Variants in C11orf65 observed in about 807,000 individuals in gnomAD.
The protein encoded by C11orf65 is protein MFI.
A neutral mutation model predicts 35.3 loss-of-function variants in C11orf65; 38 were observed. The ratio of observed to expected loss-of-function variants is 1.08; its 90% CI spans 0.83 to 1.41. The LOEUF is 1.41. Among genes scored for constraint, C11orf65 ranks in the 40% most tolerant of loss-of-function variants. The pLI, the probability that C11orf65 is intolerant of heterozygous loss-of-function variation, is 0.00. For missense variants in C11orf65, 370 were observed against 367.1 expected, an observed-to-expected ratio of 1.01 and a Z score of -0.06; for synonymous variants, 105 against 114.4, an observed-to-expected ratio of 0.92 and a Z score of 0.53.
intron 3 of C11orf65, among the ~76,000 whole-genome samples, chr11:108,429,028 C>T (rs2092948686): frequency 6.6e-6 from 1 of 151,914 alleles, no homozygotes. Context: ...GTGCCTGTTG[C>T]TCCAGCTACT....
intron 3 of C11orf65, among the ~76,000 whole-genome samples, chr11:108,410,636 CGA>C (rs2092636933): frequency 6.6e-6 from 1 of 151,698 alleles, no homozygotes. Flanking sequence ...ATTACAGATG[CGA>C]ACCACCCTGC....
chr11:108,467,752 A>T (rs568378185), upstream of C11orf65, among the ~76,000 whole-genome samples: 1 of 152,340 alleles, frequency 6.6e-6, no homozygotes, highest in Non-Finnish European at 1.5e-5. Context: ...GGCTTAGTAT[A>T]TAATAAAGCC....
intron 3 of C11orf65, chr11:108,335,137 C>T: frequency 1.2e-6 from 2 of 1,613,600 alleles, no homozygotes; most frequent in East Asian, 4.5e-5. Context: ...TGGCTTAGCC[C>T]TTAGAGTTTT....
At chr11:108,446,507 C>G (rs1174490471) in intron 2 of C11orf65, among the ~76,000 whole-genome samples, 67 of 151,564 alleles carry the variant, frequency 4.4e-4, no homozygotes, top group Admixed American at 3.5e-3. Flanking sequence ...AATTTTCAAC[C>G]CAGAATTTCA....
At chr11:108,452,549 G>T (rs2093362140) in intron 2 of C11orf65, among the ~76,000 whole-genome samples, 1 of 152,178 alleles carries the variant, frequency 6.6e-6, no homozygotes, top group Non-Finnish European at 1.5e-5. Context: ...TACACTGTTG[G>T]TGGGACTGTA....
intron 3 of C11orf65, among the ~76,000 whole-genome samples, chr11:108,426,780 T>C (rs953883970): frequency 2.6e-5 from 4 of 152,078 alleles, no homozygotes; most frequent in Non-Finnish European, 4.4e-5. Flanking sequence ...CAAAACAGCA[T>C]GGTACTGATA....
At chr11:108,373,711 G>C (rs964952241) in intron 2 of C11orf65, among the ~76,000 whole-genome samples, 1 of 152,232 alleles carries the variant, frequency 6.6e-6, no homozygotes, top group East Asian at 1.9e-4. Context: ...GCCAGCCGAA[G>C]CAGGGCGTGG....
intron 3 of C11orf65, among the ~76,000 whole-genome samples, chr11:108,418,633 T>C (rs547626578): frequency 1.3e-5 from 2 of 151,486 alleles, no homozygotes; most frequent in African/African-American, 4.9e-5. Flanking sequence ...AAAGAAAATA[T>C]AAAGAAGGAA....
At chr11:108,394,489 A>T (rs2092257983) in intron 6 of C11orf65, among the ~76,000 whole-genome samples, 1 of 152,236 alleles carries the variant, frequency 6.6e-6, no homozygotes, top group African/African-American at 2.4e-5. Context: ...CCTTAGTTTT[A>T]AATTCAGCCT....
intron 6 of C11orf65, among the ~76,000 whole-genome samples, chr11:108,318,735 A>T (rs2084965147): frequency 6.6e-6 from 1 of 152,084 alleles, no homozygotes; most frequent in African/African-American, 2.4e-5. Flanking sequence ...TAACATTTAT[A>T]ATCTGTATAT....
chr11:108,436,480 G>A (rs899745944), intron 2 of C11orf65, among the ~76,000 whole-genome samples: 8 of 152,202 alleles, frequency 5.3e-5, no homozygotes, highest in Non-Finnish European at 1.0e-4. Flanking sequence ...TGGGAAGGTT[G>A]TGAATATGCT....
intron 2 of C11orf65, chr11:108,367,454 TC>T: frequency 5.0e-6 from 1 of 201,906 alleles, no homozygotes. Flanking sequence ...CATTTCTCTG[TC>T]CCCCAGCTGT....
chr11:108,353,378 G>T (rs968956680), intron 2 of C11orf65, among the ~76,000 whole-genome samples: 6 of 152,066 alleles, frequency 3.9e-5, no homozygotes, highest in Non-Finnish European at 8.8e-5. Context: ...CTTAACTCCT[G>T]ACCTCAGGTG....
chr11:108,442,199 T>C (rs1395893279), intron 2 of C11orf65, among the ~76,000 whole-genome samples: 1 of 152,022 alleles, frequency 6.6e-6, no homozygotes, highest in Non-Finnish European at 1.5e-5. Flanking sequence ...CAGTACCCGA[T>C]TCAATCAAGT....
chr11:108,410,268 T>A (rs560099745), intron 3 of C11orf65, among the ~76,000 whole-genome samples: 1 of 152,332 alleles, frequency 6.6e-6, no homozygotes, highest in South Asian at 2.1e-4. Context: ...TAGCTCATTG[T>A]AGTTTTTAAT....
intron 2 of C11orf65, among the ~76,000 whole-genome samples, chr11:108,360,183 C>G (rs1416386370): frequency 1.3e-5 from 2 of 150,254 alleles, no homozygotes; most frequent in Non-Finnish European, 3.0e-5. Context: ...CGCAAATAAA[C>G]TAGAAAATCT....
At chr11:108,332,705 G>T (rs2136555278) in intron 3 of C11orf65, 1 of 1,564,682 alleles carries the variant, frequency 6.4e-7, no homozygotes, top group Non-Finnish European at 8.7e-7. Flanking sequence ...TTCTAACTCT[G>T]AGAAGTTTAA....
intron 2 of C11orf65, among the ~76,000 whole-genome samples, chr11:108,452,241 T>C (rs185291640): frequency 6.6e-6 from 1 of 152,202 alleles, no homozygotes; most frequent in East Asian, 1.9e-4. Context: ...GGAGAAAATT[T>C]TTCCAATCTA....
intron 7 of C11orf65, among the ~76,000 whole-genome samples, chr11:108,391,868 C>G (rs751630012): frequency 4.0e-5 from 6 of 151,664 alleles, no homozygotes; most frequent in African/African-American, 7.3e-5. Flanking sequence ...TGATTGGCTT[C>G]TTTCACTTAG....
Sources: gnomAD v4.1 joint callset for allele counts (sites outside exome capture counted in the v4.1 genomes callset) on GRCh38, gnomAD v4.1.1 for gene constraint, MANE v1.5 for transcripts, NCBI Gene and HGNC (gene_info 2026-07-23, HGNC 2026-07-21) for gene names.